Variants in C1orf185 observed in about 807,000 individuals in gnomAD.
The protein encoded by C1orf185 is uncharacterized protein C1orf185.
C1orf185 carries 13 observed loss-of-function variants against 16.1 expected under a neutral mutation model. That is an observed-to-expected ratio of 0.81 (90% CI 0.53 to 1.28). The LOEUF is 1.28. Ranked by LOEUF, C1orf185 falls within the 50% of genes most tolerant of loss-of-function variation. The probability of loss-of-function intolerance (pLI) is 0.00; values close to 1 mark genes in which losing one functional copy is unlikely to be tolerated. For missense variants in C1orf185, 220 were observed against 225.2 expected, an observed-to-expected ratio of 0.98 and a Z score of 0.15; for synonymous variants, 80 against 76.9, an observed-to-expected ratio of 1.04 and a Z score of -0.21.
chr1:51,135,641 T>C (rs1348703171), intron 3 of C1orf185, among the ~76,000 whole-genome samples: 1 of 152,202 alleles, frequency 6.6e-6, no homozygotes, highest in East Asian at 1.9e-4. Flanking sequence ...AAACTAGGTA[T>C]TGAAGGAACA....
intron 1 of C1orf185, among the ~76,000 whole-genome samples, chr1:51,103,410 A>AACACACACACACACACAC (rs367808687): frequency 4.1e-4 from 53 of 128,918 alleles, no homozygotes; most frequent in Middle Eastern, 4.2e-3. Flanking sequence ...TGTCTCGAAA[A>AACACACACACACACACAC]ACACACACAC....
intron 3 of C1orf185, among the ~76,000 whole-genome samples, chr1:51,130,198 A>G (rs1646272826): frequency 6.6e-6 from 1 of 152,204 alleles, no homozygotes; most frequent in Non-Finnish European, 1.5e-5. Flanking sequence ...ATGCCCAGGA[A>G]TGCAGTTTCT....
intron 3 of C1orf185, among the ~76,000 whole-genome samples, chr1:51,125,192 A>G (rs1282050745): frequency 3.3e-5 from 5 of 152,220 alleles, no homozygotes; most frequent in African/African-American, 1.2e-4. Context: ...GTTAAACAAG[A>G]AAAGGAATTA....
chr1:51,141,513 G>A (rs1288816130), intron 3 of C1orf185, among the ~76,000 whole-genome samples: 1 of 152,064 alleles, frequency 6.6e-6, no homozygotes. Context: ...AAAAAATCAA[G>A]TACTTATAAT....
intron 2 of C1orf185, among the ~76,000 whole-genome samples, chr1:51,115,923 G>A (rs999601800): frequency 7.9e-5 from 12 of 152,118 alleles, no homozygotes; most frequent in Non-Finnish European, 1.5e-4. Context: ...AGTTAATGCT[G>A]ATGCATAACT....
intron 3 of C1orf185, among the ~76,000 whole-genome samples, chr1:51,131,891 G>A (rs983741498): frequency 3.3e-5 from 5 of 152,060 alleles, no homozygotes; most frequent in Admixed American, 1.3e-4. Flanking sequence ...AGAGCACCTC[G>A]GCGCCCCCAG....
At chr1:51,129,673 G>A (rs1380047696) in intron 3 of C1orf185, 1 of 152,308 alleles carries the variant, frequency 6.6e-6, no homozygotes, top group Admixed American at 6.5e-5. Context: ...TCACAGTTTT[G>A]AAGGCTGAGA....
chr1:51,107,230 C>T (rs1245074470), intron 1 of C1orf185: 2 of 152,318 alleles, frequency 1.3e-5, no homozygotes, highest in African/African-American at 4.8e-5. Context: ...AAGGCTGCTC[C>T]GAAGGCAGTG....
intron 3 of C1orf185, among the ~76,000 whole-genome samples, chr1:51,127,587 C>T (rs555494203): frequency 1.3e-5 from 2 of 151,990 alleles, no homozygotes; most frequent in South Asian, 4.2e-4. Flanking sequence ...CGCCCAGCAG[C>T]TTTCTGATTT....
chr1:51,148,922 C>G (rs1646417208), downstream of C1orf185, among the ~76,000 whole-genome samples: 1 of 151,954 alleles, frequency 6.6e-6, no homozygotes, highest in African/African-American at 2.4e-5. Context: ...AAAGTGAGAC[C>G]CTGTCTCAAA....
chr1:51,112,653 ATAAC>A, intron 2 of C1orf185, 84 bp downstream of exon 2: 2 of 1,208,466 alleles, frequency 1.7e-6, no homozygotes, highest in Non-Finnish European at 2.3e-6. Flanking sequence ...GTAAACTTAA[ATAAC>A]TATGATAGTA....
At chr1:51,143,695 G>C (rs968958653) in intron 3 of C1orf185, among the ~76,000 whole-genome samples, 5 of 152,140 alleles carry the variant, frequency 3.3e-5, no homozygotes, top group African/African-American at 9.7e-5. Context: ...ACAAGGTCTT[G>C]CTTTGTCACC....
chr1:51,135,165 T>C (rs1277388792), intron 3 of C1orf185, among the ~76,000 whole-genome samples: 1 of 152,212 alleles, frequency 6.6e-6, no homozygotes, highest in Non-Finnish European at 1.5e-5. Flanking sequence ...CAAGTAGGCT[T>C]TATTCCTGGG....
At chr1:51,111,478 T>A (rs1646120016) in intron 1 of C1orf185, among the ~76,000 whole-genome samples, 1 of 149,532 alleles carries the variant, frequency 6.7e-6, no homozygotes, top group South Asian at 2.2e-4. Flanking sequence ...GCTCAAGCAA[T>A]CCTCCCGCCT....
At chr1:51,110,775 C>A (rs898105608) in intron 1 of C1orf185, among the ~76,000 whole-genome samples, 2 of 152,028 alleles carry the variant, frequency 1.3e-5, no homozygotes, top group Non-Finnish European at 2.9e-5. Flanking sequence ...TAGAGACCAG[C>A]GTGGCCAACA....
intron 3 of C1orf185, among the ~76,000 whole-genome samples, chr1:51,140,235 A>T (rs1449150526): frequency 6.6e-6 from 1 of 152,080 alleles, no homozygotes. Context: ...TGTTTGTGCA[A>T]ATTACATCCT....
intron 2 of C1orf185, among the ~76,000 whole-genome samples, chr1:51,117,496 T>C (rs1049167184): frequency 2.0e-5 from 3 of 152,060 alleles, no homozygotes; most frequent in African/African-American, 4.8e-5. Context: ...CTAAAAGTCC[T>C]TTATGGTCCA....
At chr1:51,106,989 C>T (rs143579325) in intron 1 of C1orf185, among the ~76,000 whole-genome samples, 1,672 of 152,230 alleles carry the variant, frequency 0.011, 34 homozygotes, top group African/African-American at 0.037. Context: ...GATCTCCTGA[C>T]CTTGTGATCC....
At chr1:51,125,800 T>G (rs529593621) in intron 3 of C1orf185, among the ~76,000 whole-genome samples, 3 of 152,250 alleles carry the variant, frequency 2.0e-5, no homozygotes, top group South Asian at 2.1e-4. Context: ...AAAATGTAAC[T>G]AGGCATGATC....
Sources: gnomAD v4.1 joint callset for allele counts (sites outside exome capture counted in the v4.1 genomes callset) on GRCh38, gnomAD v4.1.1 for gene constraint, MANE v1.5 for transcripts, NCBI Gene and HGNC (gene_info 2026-07-23, HGNC 2026-07-21) for gene names.